KCNN2: variants seen among roughly 807,000 people sequenced by gnomAD.
The protein encoded by KCNN2 is potassium calcium-activated channel subfamily N member 2, also known as small conductance calcium-activated potassium channel protein 2.
In KCNN2, 24 loss-of-function variants were observed where a neutral mutation model predicts 55.5. The ratio of observed to expected loss-of-function variants is 0.43; its 90% CI spans 0.31 to 0.61. The LOEUF (loss-of-function observed/expected upper bound fraction) is 0.61, where lower values mean the gene tolerates loss of function less well. Ranked by LOEUF, KCNN2 falls within the 20% of genes least tolerant of loss-of-function variation. KCNN2 has a pLI of 0.08. For missense variants in KCNN2, 754 were observed against 853.6 expected (o/e 0.88, Z 1.45); for synonymous variants, 431 against 336.1 (o/e 1.28, Z -3.09).
At position 114,076,122 on chromosome 5, in the gene KCNN2, A is replaced by G. The variant is rs115470219; in HGVS notation, c.-271+19622A>G. Among the ~76,000 whole-genome samples, 419 of 152,326 alleles carry G rather than the reference A, an allele frequency of 2.8e-3. 1 individual carries two copies. The highest frequency in any genetic ancestry group is 9.4e-3 in the African/African-American group (391 of 41,580). On this transcript the variant is annotated intron_variant, in intron 1 of 10. Coordinates refer to the KCNN2 transcript ENST00000512097. The stretch of plus-strand genomic sequence containing the variant: ...CCGCTCTTCTTTAAATTCCTCCTCA[A>G]TATTTCTTGAAGTCCCAGTTGGATA...
At chr5:114,142,576 C>T (rs1429403734) in intron 1 of KCNN2, among the ~76,000 whole-genome samples, 1 of 152,170 alleles carries the variant, frequency 6.6e-6, no homozygotes, top group African/African-American at 2.4e-5. Flanking sequence ...ACACCAATAA[C>T]AGACAAACAG....
At chr5:114,247,091 G>T (rs1754761706) in intron 2 of KCNN2, among the ~76,000 whole-genome samples, 2 of 150,686 alleles carry the variant, frequency 1.3e-5, no homozygotes, top group African/African-American at 4.9e-5. Context: ...ATCACTTGAG[G>T]TTGGGAGCTC....
intron 1 of KCNN2, among the ~76,000 whole-genome samples, chr5:114,169,089 C>T (rs1752977769): frequency 6.6e-6 from 1 of 152,104 alleles, no homozygotes; most frequent in Admixed American, 6.6e-5. Flanking sequence ...GATATGCTTG[C>T]TTCTCCTTCA....
At chr5:114,488,515 C>T (rs1256485793) in intron 6 of KCNN2, among the ~76,000 whole-genome samples, 1 of 152,108 alleles carries the variant, frequency 6.6e-6, no homozygotes, top group African/African-American at 2.4e-5. Flanking sequence ...AGGGAACTTG[C>T]TCCCTAGACT....
intron 2 of KCNN2, among the ~76,000 whole-genome samples, chr5:114,223,150 T>C (rs975815752): frequency 9.9e-5 from 15 of 152,150 alleles, no homozygotes; most frequent in African/African-American, 3.6e-4. Flanking sequence ...TAAAGAAATA[T>C]CAATACCTGG....
intron 2 of KCNN2, among the ~76,000 whole-genome samples, chr5:114,315,489 T>G (rs1168081907): frequency 6.6e-6 from 1 of 151,390 alleles, no homozygotes; most frequent in African/African-American, 2.4e-5. Context: ...AACTTCTGTT[T>G]TAAAAGTGGA....
chr5:114,366,678 T>C (rs982807805), intron 2 of KCNN2, among the ~76,000 whole-genome samples: 1 of 152,194 alleles, frequency 6.6e-6, no homozygotes, highest in Non-Finnish European at 1.5e-5. Flanking sequence ...CTTATGTATA[T>C]GCATGGAAAA....
chr5:114,077,337 C>T (rs564769492), intron 1 of KCNN2, among the ~76,000 whole-genome samples: 6 of 152,338 alleles, frequency 3.9e-5, no homozygotes, highest in South Asian at 2.1e-4. Flanking sequence ...ACCACTCCAG[C>T]GTTACGAAGA....
chr5:114,144,411 G>C (rs1267614054), intron 1 of KCNN2, among the ~76,000 whole-genome samples: 7 of 152,026 alleles, frequency 4.6e-5, no homozygotes, highest in African/African-American at 1.7e-4. Flanking sequence ...TGATGTAATG[G>C]AACTCCAGCA....
intron 3 of KCNN2, among the ~76,000 whole-genome samples, chr5:114,460,421 T>G (rs1186048513): frequency 1.3e-5 from 2 of 152,074 alleles, no homozygotes; most frequent in African/African-American, 4.8e-5. Flanking sequence ...TTTTGCATTT[T>G]TAGTAGAGAT....
intron 3 of KCNN2, among the ~76,000 whole-genome samples, chr5:114,423,775 G>A (rs1248543276): frequency 6.6e-6 from 1 of 152,164 alleles, no homozygotes; most frequent in Non-Finnish European, 1.5e-5. Flanking sequence ...AGGTCATTAA[G>A]TCATAATTTC....
intron 1 of KCNN2, among the ~76,000 whole-genome samples, chr5:114,068,368 T>C (rs1380590875): frequency 1.3e-5 from 2 of 152,202 alleles, no homozygotes; most frequent in East Asian, 1.9e-4. Flanking sequence ...TAATTGAAAA[T>C]GTATGGCCAC....
rs950549958 is a variant in KCNN2 at position 114,473,176 on chromosome 5, T to C, written c.1890+12T>C. On this transcript the variant is annotated intron_variant, in intron 5 of 7. Transcript: ENST00000673685. ...AGCTGACTAAAAGAGTAAGTTACTA[T>C]CCATATATCTTCAAAGAGAATATTA... is the stretch of plus-strand genomic sequence containing the variant. The C allele has an allele frequency of 4.2e-6, 6 of 1,417,862 alleles. No homozygotes were observed. Among genetic ancestry groups the C allele is most frequent in the African/African-American group, 4.2e-5 (3 of 71,024 alleles). 87.8% of individuals were successfully genotyped at this position (1,417,862 alleles called of 1,614,324 possible). A position where few individuals can be genotyped will look rare whatever the true frequency, so the allele number is the denominator to read the frequency against.
rs564748683 is a variant in KCNN2, at chr5:114,291,370, C to T, written c.-184-69575C>T. Among the ~76,000 whole-genome samples the T allele has an allele frequency of 1.2e-4, 19 of 152,004 alleles. 1 individual carries two copies. Among genetic ancestry groups the T allele is most frequent in the Admixed American group, 2.6e-4 (4 of 15,282 alleles). The stretch of plus-strand genomic sequence containing the variant: ...TCACCCCACAACAGTCCCTGGAGTG[C>T]GATGTTCCCCTTCCTATGTCCATGT... On this transcript the variant is annotated intron_variant, in intron 2 of 10. Transcript: ENST00000512097.
intron 1 of KCNN2, among the ~76,000 whole-genome samples, chr5:114,143,884 T>C (rs997832304): frequency 2.6e-5 from 4 of 152,214 alleles, no homozygotes; most frequent in Non-Finnish European, 4.4e-5. Context: ...TTGGCACTGA[T>C]CATGATTGGA....
intron 2 of KCNN2, among the ~76,000 whole-genome samples, chr5:114,304,395 A>G (rs1163917708): frequency 6.6e-6 from 1 of 152,166 alleles, no homozygotes; most frequent in Non-Finnish European, 1.5e-5. Context: ...ATGTGAATGT[A>G]CCATTTTTGC....
rs148388656 is a variant in KCNN2, at chr5:114,155,142, GGTTTTCT to G, written c.-270-66334_-270-66328del. Among the ~76,000 whole-genome samples, 205 of 152,092 alleles carry G rather than the reference GGTTTTCT, an allele frequency of 1.3e-3. 2 individuals are homozygous for G. The East Asian group carries it at 0.036, about 27-fold the overall frequency. ...TACTAAGTGAGAACATGTGGTATTT[GGTTTTCT>G]GTTCCTGTGTTATTTCGCTAAAGAT... is the stretch of plus-strand genomic sequence containing the variant. On this transcript the variant is annotated intron_variant, in intron 1 of 10. Transcript: ENST00000512097.
rs1400252227 is a variant in KCNN2 at position 114,241,761 on chromosome 5, T to C, written c.-185+20196T>C. Among the ~76,000 whole-genome samples the C allele has an allele frequency of 4.9e-4, 11 of 22,476 alleles. 3 individuals are homozygous for C. Among genetic ancestry groups the C allele is most frequent in the Admixed American group, 2.5e-3 (5 of 1,976 alleles). 14.7% of individuals were successfully genotyped at this position (22,476 alleles called of 152,430 possible). ...ATATACGTATATATATGTATATATA[T>C]ACGTATATATATACATATATACGTA... On this transcript the variant is annotated intron_variant, in intron 2 of 10. Transcript: ENST00000512097.
chr5:114,163,370 C>G (rs1752836440), intron 1 of KCNN2, among the ~76,000 whole-genome samples: 1 of 152,232 alleles, frequency 6.6e-6, no homozygotes, highest in Admixed American at 6.5e-5. Context: ...TGGCAATTTT[C>G]ACTGGGAGAA....
Sources: gnomAD v4.1 joint callset for allele counts (sites outside exome capture counted in the v4.1 genomes callset) on GRCh38, gnomAD v4.1.1 for gene constraint, MANE v1.5 for transcripts, NCBI Gene and HGNC (gene_info 2026-07-23, HGNC 2026-07-21) for gene names.